PRKAR1B: variants seen among roughly 807,000 people sequenced by gnomAD.
PRKAR1B encodes protein kinase cAMP-dependent type I regulatory subunit beta, also known as cAMP-dependent protein kinase type I-beta regulatory subunit.
PRKAR1B carries 22 observed loss-of-function variants against 46.5 expected under a neutral mutation model. That is an observed-to-expected ratio of 0.47 (90% CI 0.34 to 0.68). The LOEUF (loss-of-function observed/expected upper bound fraction) is 0.68. Among genes scored for constraint, PRKAR1B ranks in the 30% least tolerant of loss-of-function variants. The pLI, the probability that PRKAR1B is intolerant of heterozygous loss-of-function variation, is 0.01. For synonymous variants in PRKAR1B, 259 were observed against 217.7 expected (o/e 1.19, Z -1.67); for missense variants, 445 against 535.6 (o/e 0.83, Z 1.67).
At chr7:652,687 G>A (rs186683043) in intron 4 of PRKAR1B, among the ~76,000 whole-genome samples, 23 of 152,362 alleles carry the variant, frequency 1.5e-4, no homozygotes, top group African/African-American at 4.3e-4. Flanking sequence ...GGAGTGTCTC[G>A]TTTTCCCAGC....
intron 8 of PRKAR1B, among the ~76,000 whole-genome samples, chr7:580,762 A>T (rs949690010): frequency 6.7e-6 from 1 of 149,322 alleles, no homozygotes; most frequent in Non-Finnish European, 1.5e-5. Flanking sequence ...AAAAAAAAAA[A>T]ACAAACGTTT....
At chr7:697,553 G>A (rs1428343665) in intron 2 of PRKAR1B, among the ~76,000 whole-genome samples, 2 of 152,146 alleles carry the variant, frequency 1.3e-5, no homozygotes, top group African/African-American at 4.8e-5. Flanking sequence ...AGTTCCATGA[G>A]CGGCCCTAAG....
intron 4 of PRKAR1B, among the ~76,000 whole-genome samples, chr7:625,234 T>C (rs868467772): frequency 3.9e-5 from 6 of 152,278 alleles, no homozygotes; most frequent in Middle Eastern, 3.4e-3. Flanking sequence ...AAATAGAGCT[T>C]ATCATAATAT....
At chr7:600,864 T>A (rs1158904976) in intron 6 of PRKAR1B, among the ~76,000 whole-genome samples, 1 of 152,234 alleles carries the variant, frequency 6.6e-6, no homozygotes, top group Admixed American at 6.5e-5. Context: ...CTATGTTCCA[T>A]GAATAAAATA....
intron 4 of PRKAR1B, among the ~76,000 whole-genome samples, chr7:637,106 C>T (rs1279433833): frequency 6.6e-6 from 1 of 151,908 alleles, no homozygotes; most frequent in African/African-American, 2.4e-5. Flanking sequence ...GGCCACACCG[C>T]GAAACCCCAT....
chr7:640,006 T>TA (rs1241821853), intron 4 of PRKAR1B, among the ~76,000 whole-genome samples: 2 of 148,564 alleles, frequency 1.3e-5, no homozygotes, highest in African/African-American at 5.0e-5. Flanking sequence ...CTACTAAAAA[T>TA]AAAAAAGTTA....
chr7:707,027 G>A (rs762014581), intron 2 of PRKAR1B, among the ~76,000 whole-genome samples: 4 of 152,340 alleles, frequency 2.6e-5, no homozygotes, highest in Admixed American at 6.5e-5. Flanking sequence ...CACACTTCCC[G>A]GTTCTATTGT....
At chr7:627,796 G>C (rs1321984715) in intron 4 of PRKAR1B, among the ~76,000 whole-genome samples, 2 of 152,146 alleles carry the variant, frequency 1.3e-5, no homozygotes, top group Non-Finnish European at 2.9e-5. Context: ...CAGCCTGGAA[G>C]ATCCAGGCCA....
intron 7 of PRKAR1B, among the ~76,000 whole-genome samples, chr7:589,124 A>G (rs1419323356): frequency 6.6e-6 from 1 of 151,022 alleles, no homozygotes; most frequent in Non-Finnish European, 1.5e-5. Context: ...AGGACATTGC[A>G]ATTCCAACCC....
chr7:712,596 C>G (rs918945434), intron 1 of PRKAR1B: 1 of 136,216 alleles, frequency 7.3e-6, no homozygotes, highest in African/African-American at 2.7e-5. Context: ...CCGTCTCCCC[C>G]CGACCGCCTC....
intron 4 of PRKAR1B, among the ~76,000 whole-genome samples, chr7:676,288 C>T (rs535450661): frequency 5.3e-5 from 8 of 152,206 alleles, no homozygotes; most frequent in Non-Finnish European, 7.3e-5. Context: ...AGCCCCTTCA[C>T]GCTCAGCCCT....
intron 4 of PRKAR1B, among the ~76,000 whole-genome samples, chr7:660,738 C>T (rs1221622700): frequency 3.1e-5 from 4 of 130,460 alleles, no homozygotes; most frequent in Non-Finnish European, 3.3e-5. Context: ...AGGTCCCCAC[C>T]CCAACGGGTC....
At chr7:641,046 G>A (rs1392303668) in intron 4 of PRKAR1B, among the ~76,000 whole-genome samples, 1 of 151,918 alleles carries the variant, frequency 6.6e-6, no homozygotes, top group Non-Finnish European at 1.5e-5. Flanking sequence ...TCCGCCTCCC[G>A]GGTTCACGCC....
intron 8 of PRKAR1B, among the ~76,000 whole-genome samples, chr7:583,800 A>G (rs902435528): frequency 8.2e-6 from 1 of 122,030 alleles, no homozygotes; most frequent in African/African-American, 3.2e-5. Flanking sequence ...GTGCACTCAC[A>G]TGCACACTCA....
intron 4 of PRKAR1B, among the ~76,000 whole-genome samples, chr7:630,403 C>T (rs1029081601): frequency 1.3e-5 from 2 of 152,220 alleles, no homozygotes; most frequent in Non-Finnish European, 2.9e-5. Context: ...GGCAGGCAGG[C>T]AGCGGGCAGC....
chr7:637,522 C>A (rs1018120891), intron 4 of PRKAR1B, among the ~76,000 whole-genome samples: 1 of 152,122 alleles, frequency 6.6e-6, no homozygotes. Context: ...ATCTTCAGTG[C>A]ACCTTTAAAA....
At chr7:694,869 C>G (rs143428152) in intron 2 of PRKAR1B, among the ~76,000 whole-genome samples, 1 of 152,048 alleles carries the variant, frequency 6.6e-6, no homozygotes, top group African/African-American at 2.4e-5. Flanking sequence ...AACCCCATCT[C>G]TATTAAAAAT....
intron 2 of PRKAR1B, among the ~76,000 whole-genome samples, chr7:703,866 T>C (rs376687685): frequency 6.6e-6 from 1 of 152,218 alleles, no homozygotes. Context: ...ATATAAGCTA[T>C]GTTCCCTGAC....
chr7:626,533 A>G (rs1783413542), intron 4 of PRKAR1B, among the ~76,000 whole-genome samples: 1 of 152,152 alleles, frequency 6.6e-6, no homozygotes, highest in African/African-American at 2.4e-5. Context: ...AAAAAGGACT[A>G]AGCACAGATG....
Sources: allele counts gnomAD v4.1 joint callset (sites outside exome capture counted in the v4.1 genomes callset), GRCh38; gene constraint gnomAD v4.1.1; transcripts MANE v1.5; gene names NCBI Gene and HGNC (gene_info 2026-07-23, HGNC 2026-07-21).